Variants in PDZRN3 observed in about 807,000 individuals in gnomAD.
PDZRN3 encodes the protein PDZ domain containing ring finger 3.
In PDZRN3, 38 loss-of-function variants were observed where a neutral mutation model predicts 85.7. The observed-to-expected ratio is 0.44, with a 90% CI of 0.34 to 0.58. The LOEUF (loss-of-function observed/expected upper bound fraction) is 0.58. Among genes scored for constraint, PDZRN3 ranks in the 20% least tolerant of loss-of-function variants. The probability of loss-of-function intolerance (pLI) is 0.01; values close to 1 mark genes in which losing one functional copy is unlikely to be tolerated. For synonymous variants in PDZRN3, 759 were observed against 638.0 expected, an observed-to-expected ratio of 1.19 and a Z score of -2.86; for missense variants, 1,629 against 1,506.4, an observed-to-expected ratio of 1.08 and a Z score of -1.35.
At chr3:73,565,697 G>A (rs183280147) in intron 3 of PDZRN3, among the ~76,000 whole-genome samples, 217 of 151,874 alleles carry the variant, frequency 1.4e-3, no homozygotes, top group Non-Finnish European at 2.4e-3. Context: ...CAGCACTTTG[G>A]GAGACTGAAG....
intron 3 of PDZRN3, among the ~76,000 whole-genome samples, chr3:73,479,890 T>C (rs575391886): frequency 6.6e-6 from 1 of 150,630 alleles, no homozygotes; most frequent in Non-Finnish European, 1.5e-5. Flanking sequence ...GGGGCGGGGG[T>C]AGATGATGAG....
intron 1 of PDZRN3, among the ~76,000 whole-genome samples, chr3:73,609,280 C>T (rs937924020): frequency 1.2e-4 from 19 of 152,164 alleles, no homozygotes; most frequent in Non-Finnish European, 2.2e-4. Context: ...CCAATCCACA[C>T]GAGACGCAGA....
intron 3 of PDZRN3, chr3:73,569,336 G>A: frequency 8.2e-7 from 1 of 1,219,862 alleles, no homozygotes; most frequent in South Asian, 1.5e-5. Context: ...AGGAGAATAA[G>A]CAGGTTAATA....
At position 73,624,902 on chromosome 3, in the gene PDZRN3, C is replaced by G; in HGVS notation, c.-77G>C. On this transcript the variant is annotated 5_prime_UTR_variant, in exon 1 of 10. Coordinates refer to ENST00000263666, the MANE Select transcript of PDZRN3 (RefSeq NM_015009.3). ...TCCCCACGAGGCGGCCCAGACAGGC[C>G]GGCTACGCCGCCCGCGCGCTCGCTG... The G allele has an allele frequency of 8.9e-7, 1 of 1,122,736 alleles. No individual in the cohort carries two copies. Among genetic ancestry groups the G allele is most frequent in the African/African-American group, 1.6e-5 (1 of 61,716 alleles). 69.5% of individuals were successfully genotyped at this position (1,122,736 alleles called of 1,614,324 possible). A position where few individuals can be genotyped will look rare whatever the true frequency, so the allele number is the denominator to read the frequency against.
At position 73,384,599 on chromosome 3, in the gene PDZRN3, A is replaced by T; in HGVS notation, c.1967T>A (p.Val656Glu). 1 of 1,613,762 alleles carries T rather than the reference A, an allele frequency of 6.2e-7. No individual in the cohort carries two copies. The highest frequency in any genetic ancestry group is 8.5e-7 in the Non-Finnish European group (1 of 1,180,028). The change falls in exon 10 of 10, where the codon GTG becomes GAG. Residue 656 changes from valine to glutamate, a missense_variant. By Grantham distance (121) the Val-to-Glu change is moderately radical. Transcript: ENST00000263666. Reference protein sequence around the residue: ...FRELLELKCQVKSATPYGLYY... With the variant: ...FRELLELKCQEKSATPYGLYY... ...CAGGCCGTAAGGGGTGGCGCTCTTCACCTGGCACTTGAGCTCCAGGAGCTC... is the reference window on the plus strand; with the variant it reads ...CAGGCCGTAAGGGGTGGCGCTCTTCTCCTGGCACTTGAGCTCCAGGAGCTC...
At chr3:73,459,578 C>T (rs572225205) in intron 3 of PDZRN3, among the ~76,000 whole-genome samples, 13 of 152,220 alleles carry the variant, frequency 8.5e-5, no homozygotes, top group African/African-American at 1.9e-4. Context: ...TCACTTAGTT[C>T]GCACTTACAA....
chr3:73,413,056 C>A (rs1036262232), intron 3 of PDZRN3, among the ~76,000 whole-genome samples: 1 of 152,162 alleles, frequency 6.6e-6, no homozygotes, highest in Non-Finnish European at 1.5e-5. Context: ...ATAGGTGATA[C>A]CTGAATGATG....
At chr3:73,606,374 G>C (rs774332103) in intron 2 of PDZRN3, among the ~76,000 whole-genome samples, 1 of 152,210 alleles carries the variant, frequency 6.6e-6, no homozygotes, top group South Asian at 2.1e-4. Context: ...TCTGAACCAC[G>C]GGCTCAAGTC....
Position 73,609,436 on chromosome 3 carries a change from C to T in PDZRN3, c.724-752G>A, listed in dbSNP as rs138082646. 3.3e-5 allele frequency among the ~76,000 whole-genome samples: 5 copies of T among 152,284 alleles called. No individual in the cohort carries two copies. In the East Asian group the frequency reaches 9.7e-4, roughly 29 times the overall value. ...CCAGGGAGAGTGTTCTCAACTAACA[C>T]TCTCAAGTGACAGCAGACAGATAAA... On this transcript the variant is annotated intron_variant, in intron 1 of 9. Transcript: ENST00000263666.
rs557484585 is a variant in PDZRN3, at chr3:73,596,434, TCTAC to T, written c.918+5916_918+5919del. On this transcript the variant is annotated intron_variant, in intron 3 of 9. Transcript: ENST00000263666. The stretch of plus-strand genomic sequence containing the variant: ...AAGACATTTACATAGCCTCAAAGCA[TCTAC>T]CTACAGGATAACTATTGATTATAAA... Among the ~76,000 whole-genome samples, 127 of 152,268 alleles carry T rather than the reference TCTAC, an allele frequency of 8.3e-4. 1 individual carries two copies. The highest frequency in any genetic ancestry group is 2.8e-3 in the Admixed American group (43 of 15,290).
chr3:73,436,650 C>T (rs1702535802), intron 3 of PDZRN3, among the ~76,000 whole-genome samples: 1 of 152,108 alleles, frequency 6.6e-6, no homozygotes, highest in African/African-American at 2.4e-5. Flanking sequence ...GAAAGTTTCC[C>T]AATCTCAATA....
chr3:73,608,723 C>T (rs1376990971), intron 1 of PDZRN3, 39 bp from the exon 2 acceptor site: 11 of 1,254,776 alleles, frequency 8.8e-6, no homozygotes, highest in South Asian at 3.8e-5. Flanking sequence ...TATTTACCAA[C>T]AGGGAATAGA....
chr3:73,479,865 A>T (rs1703528221), intron 3 of PDZRN3, among the ~76,000 whole-genome samples: 1 of 152,084 alleles, frequency 6.6e-6, no homozygotes, highest in Non-Finnish European at 1.5e-5. Flanking sequence ...AAAACTAAAC[A>T]TGTATGAGTT....
rs568081513 is a variant in PDZRN3 at position 73,586,617 on chromosome 3, CG to C, written c.918+15736del. On this transcript the variant is annotated intron_variant, in intron 3 of 9. Coordinates refer to ENST00000263666, the MANE Select transcript of PDZRN3 (RefSeq NM_015009.3). ...TGCAAACCTCACAGGGACACTTCAC[CG>C]GGGGGGTCTCAGAGATGCTGGATTC... Among the ~76,000 whole-genome samples, 176 of 152,154 alleles carry C rather than the reference CG, an allele frequency of 1.2e-3. 2 individuals are homozygous for C. The highest frequency in any genetic ancestry group is 1.4e-3 in the African/African-American group (58 of 41,490).
At chr3:73,443,474 TTTTTC>T (rs1702683043) in intron 3 of PDZRN3, among the ~76,000 whole-genome samples, 1 of 38,916 alleles carries the variant, frequency 2.6e-5, no homozygotes, top group African/African-American at 6.6e-5. Flanking sequence ...TTTATTTTCC[TTTTTC>T]TTTTTTTTTT....
rs148633852 is a variant in PDZRN3 at position 73,439,073 on chromosome 3, C to T, written c.919-34678G>A. On this transcript the variant is annotated intron_variant, in intron 3 of 9. Transcript: ENST00000263666. ...CTTTCCCAGGTGCCTCCTTATGGCA[C>T]GATTCACACGGATGGTCACTTTCTG... Among the ~76,000 whole-genome samples the T allele has an allele frequency of 2.2e-3, 339 of 152,312 alleles. 3 individuals are homozygous for T. The highest frequency in any genetic ancestry group is 7.6e-3 in the African/African-American group (315 of 41,562).
At chr3:73,427,367 C>A (rs1702337071) in intron 3 of PDZRN3, among the ~76,000 whole-genome samples, 1 of 152,144 alleles carries the variant, frequency 6.6e-6, no homozygotes, top group African/African-American at 2.4e-5. Context: ...TCGGAGAATG[C>A]AGGATTAGTG....
intron 3 of PDZRN3, among the ~76,000 whole-genome samples, chr3:73,492,399 C>A (rs1703788500): frequency 6.6e-6 from 1 of 152,154 alleles, no homozygotes; most frequent in African/African-American, 2.4e-5. Flanking sequence ...TGTCCTTTGC[C>A]TTCTTGGCCC....
At chr3:73,387,075 T>C (rs964247519) in intron 8 of PDZRN3, among the ~76,000 whole-genome samples, 1 of 152,212 alleles carries the variant, frequency 6.6e-6, no homozygotes, top group Non-Finnish European at 1.5e-5. Context: ...GTTTGCTTGG[T>C]TCTCATCTCT....
Sources: gnomAD v4.1 joint callset for allele counts (sites outside exome capture counted in the v4.1 genomes callset) on GRCh38, gnomAD v4.1.1 for gene constraint, MANE v1.5 for transcripts, NCBI Gene and HGNC (gene_info 2026-07-23, HGNC 2026-07-21) for gene names.